CDH10: variants seen among roughly 807,000 people sequenced by gnomAD.
CDH10 encodes the protein cadherin 10, also known as cadherin-10.
CDH10 carries 30 observed loss-of-function variants against 73.1 expected under a neutral mutation model. The observed-to-expected ratio is 0.41, with a 90% CI of 0.31 to 0.56. The LOEUF is 0.56. Among genes scored for constraint, CDH10 ranks in the 20% least tolerant of loss-of-function variants. The probability of loss-of-function intolerance (pLI) is 0.27; values close to 1 mark genes in which losing one functional copy is unlikely to be tolerated. For missense variants in CDH10, 815 were observed against 973.7 expected (o/e 0.84, Z 2.17); for synonymous variants, 345 against 348.2 (o/e 0.99, Z 0.10).
Position 24,498,490 on chromosome 5 carries a change from C to A in CDH10, c.1423G>T (p.Val475Phe). ...NNPKETTRVA[V>F]FVRILDVNDN... ...TTAACATCCAAAATTCTCACAAAAA[C>A]AGCCACGCGTGTTGTCTCTTTGGGA... The change falls in exon 9 of 12, where the codon GTT becomes TTT. Residue 475 changes from valine to phenylalanine, a missense_variant. Val to Phe is a conservative substitution (Grantham distance 50). This residue lies in a region of CDH10 where 516 missense variants were observed against 636.6 expected (regional missense o/e 0.81). Transcript: ENST00000264463. 6.2e-7 allele frequency: 1 copy of A among 1,600,202 alleles called. No homozygotes were observed. Among genetic ancestry groups the A allele is most frequent in the Non-Finnish European group, 8.6e-7 (1 of 1,167,472 alleles).
chr5:24,614,158 C>A (rs1314740567), intron 1 of CDH10, among the ~76,000 whole-genome samples: 3 of 152,002 alleles, frequency 2.0e-5, no homozygotes, highest in Admixed American at 6.6e-5. Flanking sequence ...CATGATGGAT[C>A]CAAAAATGTT....
At chr5:24,570,056 G>A (rs1745316125) in intron 2 of CDH10, among the ~76,000 whole-genome samples, 1 of 152,008 alleles carries the variant, frequency 6.6e-6, no homozygotes, top group South Asian at 2.1e-4. Context: ...GTGAGCCACT[G>A]CGCCCGGCCA....
chr5:24,518,693 G>GT (rs1554018058), intron 5 of CDH10, among the ~76,000 whole-genome samples: 26 of 151,790 alleles, frequency 1.7e-4, no homozygotes, highest in Admixed American at 5.3e-4. Context: ...TGAATATCAT[G>GT]TTTTTTTCCC....
chr5:24,633,851 A>G (rs1014356007), intron 1 of CDH10, among the ~76,000 whole-genome samples: 8 of 151,844 alleles, frequency 5.3e-5, no homozygotes, highest in African/African-American at 2.4e-5. Flanking sequence ...TGCAATGTTC[A>G]CTTGGAAAAA....
intron 8 of CDH10, among the ~76,000 whole-genome samples, chr5:24,498,727 C>T (rs894352435): frequency 6.6e-6 from 1 of 151,978 alleles, no homozygotes. Context: ...CACAAGGGTA[C>T]TATTATTATT....
chr5:24,572,006 A>G (rs1745401773), intron 2 of CDH10, among the ~76,000 whole-genome samples: 1 of 152,130 alleles, frequency 6.6e-6, no homozygotes, highest in African/African-American at 2.4e-5. Flanking sequence ...GGTGGACTCA[A>G]ATTTATGTAA....
chr5:24,553,660 G>T (rs997077981), intron 2 of CDH10, among the ~76,000 whole-genome samples: 4 of 151,900 alleles, frequency 2.6e-5, no homozygotes, highest in African/African-American at 9.7e-5. Flanking sequence ...GTTTTCCACG[G>T]GTGGCTACAA....
At chr5:24,586,945 C>T (rs537180714) in intron 2 of CDH10, among the ~76,000 whole-genome samples, 18 of 146,704 alleles carry the variant, frequency 1.2e-4, no homozygotes, top group African/African-American at 4.3e-4. Context: ...CCCGGGTTCA[C>T]GCCATTCTCC....
At position 24,487,647 on chromosome 5, in the gene CDH10, G is replaced by A; in HGVS notation, c.*16C>T. 2 of 1,599,814 alleles carry A rather than the reference G, an allele frequency of 1.3e-6. No homozygotes were observed. Among genetic ancestry groups the A allele is most frequent in the Non-Finnish European group, 1.7e-6 (2 of 1,172,454 alleles). ...AGAGTTACTTTCTCTTGTTTGAACA[G>A]AACATATATCCTACGTTAAGAGTCT... is the stretch of plus-strand genomic sequence containing the variant. On this transcript the variant is annotated 3_prime_UTR_variant, in exon 12 of 12. Transcript: ENST00000264463.
chr5:24,622,667 A>T (rs1231357248), intron 1 of CDH10, among the ~76,000 whole-genome samples: 1 of 152,142 alleles, frequency 6.6e-6, no homozygotes, highest in African/African-American at 2.4e-5. Flanking sequence ...ACTTAACAAA[A>T]TCCTAGGACA....
chr5:24,583,039 T>C (rs1329805315), intron 2 of CDH10, among the ~76,000 whole-genome samples: 1 of 151,206 alleles, frequency 6.6e-6, no homozygotes, highest in African/African-American at 2.4e-5. Flanking sequence ...ATAGCACCTG[T>C]CATATTGCTA....
At chr5:24,495,917 G>T (rs1376896123) in intron 9 of CDH10, among the ~76,000 whole-genome samples, 1 of 151,158 alleles carries the variant, frequency 6.6e-6, no homozygotes, top group African/African-American at 2.4e-5. Context: ...CTTTTCAGTT[G>T]TTAGGGAAGT....
At chr5:24,624,352 T>C (rs1335134394) in intron 1 of CDH10, among the ~76,000 whole-genome samples, 1 of 152,120 alleles carries the variant, frequency 6.6e-6, no homozygotes, top group Non-Finnish European at 1.5e-5. Flanking sequence ...AATATTTAAA[T>C]AAATCAGATA....
chr5:24,546,178 A>T, intron 2 of CDH10, among the ~76,000 whole-genome samples: 1 of 150,720 alleles, frequency 6.6e-6, no homozygotes, highest in East Asian at 1.9e-4. Context: ...TCCTTGAAAA[A>T]ACTTGTGTGT....
At chr5:24,548,985 A>G (rs1322229949) in intron 2 of CDH10, among the ~76,000 whole-genome samples, 1 of 152,124 alleles carries the variant, frequency 6.6e-6, no homozygotes, top group East Asian at 1.9e-4. Flanking sequence ...ATTGAGATAA[A>G]ATGAATCAAA....
At chr5:24,535,971 T>C (rs376164819) in intron 3 of CDH10, 149 bp from the exon 4 acceptor site, 1 of 477,322 alleles carries the variant, frequency 2.1e-6, no homozygotes, top group Non-Finnish European at 3.7e-6. Flanking sequence ...TATGTAGATA[T>C]ATAGTGTTAT....
At chr5:24,493,985 A>G (rs1276603014) in intron 9 of CDH10, among the ~76,000 whole-genome samples, 1 of 151,932 alleles carries the variant, frequency 6.6e-6, no homozygotes, top group Non-Finnish European at 1.5e-5. Context: ...AATGTCTTAG[A>G]GCAATGAAAA....
chr5:24,579,752 T>C lies in CDH10; in HGVS notation c.231+13508A>G, dbSNP rs186634375. Among the ~76,000 whole-genome samples, 655 of 152,280 alleles carry C rather than the reference T, an allele frequency of 4.3e-3. 1 individual carries two copies. Among genetic ancestry groups the C allele is most frequent in the Non-Finnish European group, 7.8e-3 (533 of 68,008 alleles). On this transcript the variant is annotated intron_variant, in intron 2 of 11. Coordinates refer to ENST00000264463, the MANE Select transcript of CDH10 (RefSeq NM_006727.5). ...TATTTATTCTCAGTTTCATTCATTG[T>C]TTTTTCTTCTCTCTCTCTCTACCAT...
intron 4 of CDH10, 136 bp downstream of exon 4, chr5:24,535,567 A>G (rs1579774002): frequency 3.7e-6 from 3 of 800,856 alleles, no homozygotes; most frequent in Non-Finnish European, 5.9e-6. Flanking sequence ...TTGAGTTCTT[A>G]TATCTTTAAG....
Sources: gnomAD v4.1 joint callset for allele counts (sites outside exome capture counted in the v4.1 genomes callset) on GRCh38, gnomAD v4.1.1 for gene constraint, gnomAD v4.1.1 regional missense constraint, MANE v1.5 for transcripts, NCBI Gene and HGNC (gene_info 2026-07-23, HGNC 2026-07-21) for gene names.